The following PCDH15 variants were observed in gnomAD, a reference collection of about 807,000 sequenced individuals.
PCDH15 encodes protocadherin related 15, also known as protocadherin-15.
A neutral mutation model predicts 178.5 loss-of-function variants in PCDH15; 129 were observed. The ratio of observed to expected loss-of-function variants is 0.72; its 90% CI spans 0.63 to 0.84. The LOEUF is 0.84. PCDH15 is among the 40% of genes least tolerant of loss of function. The probability of loss-of-function intolerance (pLI) is 0.00; values close to 1 mark genes in which losing one functional copy is unlikely to be tolerated. For missense variants in PCDH15, 2,230 were observed against 2,099.9 expected, an observed-to-expected ratio of 1.06 and a Z score of -1.21; for synonymous variants, 800 against 732.0, an observed-to-expected ratio of 1.09 and a Z score of -1.50.
chr10:54,474,830 A>G (rs1220893868), intron 3 of PCDH15, among the ~76,000 whole-genome samples: 2 of 152,030 alleles, frequency 1.3e-5, no homozygotes, highest in African/African-American at 2.4e-5. Context: ...AGGTTTTTCA[A>G]TGAAACAAAT....
At chr10:55,342,092 G>A (rs2131956059) in intron 2 of PCDH15, among the ~76,000 whole-genome samples, 1 of 151,258 alleles carries the variant, frequency 6.6e-6, no homozygotes, top group South Asian at 2.1e-4. Flanking sequence ...ATTTGAATAT[G>A]TATATTGTTA....
intron 32 of PCDH15, among the ~76,000 whole-genome samples, chr10:53,825,553 A>AGAAAGTAAATATACAACTACTATGATGAC (rs2076622845): frequency 4.0e-5 from 6 of 151,690 alleles, no homozygotes; most frequent in African/African-American, 1.4e-4. Context: ...TTTGTTTGGA[A>AGAAAGTAAATATACAACTACTATGATGAC]GAAAGTAAAT....
intron 2 of PCDH15, among the ~76,000 whole-genome samples, chr10:55,375,454 A>G (rs190972938): frequency 6.6e-6 from 1 of 152,230 alleles, no homozygotes; most frequent in East Asian, 1.9e-4. Context: ...AAAATTTTAA[A>G]GTCCTCATTA....
chr10:54,371,425 T>C (rs139341289), intron 4 of PCDH15, among the ~76,000 whole-genome samples: 39 of 151,732 alleles, frequency 2.6e-4, no homozygotes, highest in Non-Finnish European at 5.3e-4. Context: ...AGAAGAGAAA[T>C]TTGAACACTT....
intron 1 of PCDH15, among the ~76,000 whole-genome samples, chr10:55,301,677 T>C (rs1843284927): frequency 6.6e-6 from 1 of 152,268 alleles, no homozygotes; most frequent in East Asian, 1.9e-4. Context: ...CTTTGCTCTA[T>C]TGCCTAAAGG....
chr10:53,808,659 T>A, intron 37 of PCDH15: 1 of 1,597,434 alleles, frequency 6.3e-7, no homozygotes, highest in East Asian at 2.2e-5. Flanking sequence ...AGAGCACTCA[T>A]CACAGCAAAA....
intron 1 of PCDH15, among the ~76,000 whole-genome samples, chr10:55,282,557 G>A (rs1842759887): frequency 6.6e-6 from 1 of 152,000 alleles, no homozygotes; most frequent in Admixed American, 6.6e-5. Context: ...AAATTCAATT[G>A]CAACTTATTT....
rs558106509 is a variant in PCDH15, at chr10:54,215,062, G to C, written c.986-1014C>G. On this transcript the variant is annotated intron_variant, in intron 9 of 37. Coordinates refer to ENST00000644397, the MANE Select transcript of PCDH15 (RefSeq NM_001384140.1). Reference sequence around the variant, plus strand: ...ATTTGTAAAATTAATAACCATAAGAGAAAAATAATATAGCTTCCTATTATG... The same window carrying C: ...ATTTGTAAAATTAATAACCATAAGACAAAAATAATATAGCTTCCTATTATG... Among the ~76,000 whole-genome samples, 3 of 152,190 alleles carry C rather than the reference G, an allele frequency of 2.0e-5. No homozygotes were observed. In the South Asian group the frequency reaches 6.2e-4, roughly 32 times the overall value.
intron 3 of PCDH15, among the ~76,000 whole-genome samples, chr10:54,481,337 A>G (rs776711576): frequency 1.1e-4 from 16 of 151,880 alleles, no homozygotes; most frequent in Admixed American, 4.0e-4. Flanking sequence ...ATTATAAGAA[A>G]TTTAATAATC....
chr10:54,901,822 T>C (rs1954643756), intron 2 of PCDH15, among the ~76,000 whole-genome samples: 1 of 152,192 alleles, frequency 6.6e-6, no homozygotes, highest in Non-Finnish European at 1.5e-5. Flanking sequence ...AGTCATTTAT[T>C]TCAAAAGTTC....
intron 2 of PCDH15, among the ~76,000 whole-genome samples, chr10:54,602,411 C>T (rs2092580397): frequency 6.6e-6 from 1 of 151,914 alleles, no homozygotes; most frequent in South Asian, 2.1e-4. Context: ...GACTTTTCTG[C>T]CTATACACCT....
intron 1 of PCDH15, among the ~76,000 whole-genome samples, chr10:54,734,814 A>T (rs1943867499): frequency 6.6e-6 from 1 of 152,024 alleles, no homozygotes; most frequent in South Asian, 2.1e-4. Flanking sequence ...TCAAAGGGTC[A>T]TGCATGATTT....
chr10:53,854,498 A>G (rs2078597210), intron 28 of PCDH15, among the ~76,000 whole-genome samples: 1 of 151,980 alleles, frequency 6.6e-6, no homozygotes, highest in Non-Finnish European at 1.5e-5. Flanking sequence ...TAAAATCAAC[A>G]TGAGATAGAG....
intron 6 of PCDH15, among the ~76,000 whole-genome samples, chr10:54,331,783 T>C (rs1451126164): frequency 2.0e-5 from 3 of 152,020 alleles, no homozygotes; most frequent in Non-Finnish European, 4.4e-5. Flanking sequence ...CCAAATTAGC[T>C]CACATATCTG....
At chr10:54,705,618 T>C (rs1484844327) in intron 1 of PCDH15, among the ~76,000 whole-genome samples, 1 of 152,170 alleles carries the variant, frequency 6.6e-6, no homozygotes, top group Non-Finnish European at 1.5e-5. Flanking sequence ...ACCACTATTA[T>C]CCATACCATG....
intron 3 of PCDH15, among the ~76,000 whole-genome samples, chr10:54,381,231 G>A (rs1437966796): frequency 6.6e-6 from 1 of 152,010 alleles, no homozygotes; most frequent in African/African-American, 2.4e-5. Flanking sequence ...GAACAACTGT[G>A]CCCATACCCC....
At chr10:54,809,727 G>C (rs1952833413) in intron 3 of PCDH15, among the ~76,000 whole-genome samples, 1 of 152,136 alleles carries the variant, frequency 6.6e-6, no homozygotes, top group South Asian at 2.1e-4. Context: ...AACAAAGCAT[G>C]TAAAAGAGTG....
At chr10:55,593,662 T>C (rs1842887328) in intron 2 of PCDH15, among the ~76,000 whole-genome samples, 3 of 151,914 alleles carry the variant, frequency 2.0e-5, no homozygotes, top group Non-Finnish European at 4.4e-5. Context: ...ATAGAAGTAT[T>C]GTGTGATGAC....
intron 2 of PCDH15, among the ~76,000 whole-genome samples, chr10:54,994,501 A>G (rs1210958565): frequency 6.6e-6 from 1 of 152,138 alleles, no homozygotes. Context: ...TAAATACAGT[A>G]AACTTTTGTG....
Sources: gnomAD v4.1 joint callset for allele counts (sites outside exome capture counted in the v4.1 genomes callset) on GRCh38, gnomAD v4.1.1 for gene constraint, MANE v1.5 for transcripts, NCBI Gene and HGNC (gene_info 2026-07-23, HGNC 2026-07-21) for gene names.